The following SFRP1 variants were observed in gnomAD, a reference collection of about 807,000 sequenced individuals.
SFRP1 encodes the protein secreted frizzled-related protein 1.
SFRP1 carries 9 observed loss-of-function variants against 25.9 expected under a neutral mutation model. The observed-to-expected ratio is 0.35, with a 90% CI of 0.21 to 0.61. SFRP1 has a LOEUF of 0.61. Among genes scored for constraint, SFRP1 ranks in the 20% least tolerant of loss-of-function variants. The pLI is 0.78. For missense variants in SFRP1, 346 were observed against 418.2 expected, an observed-to-expected ratio of 0.83 and a Z score of 1.51; for synonymous variants, 178 against 174.0, an observed-to-expected ratio of 1.02 and a Z score of -0.18.
At position 41,308,878 on chromosome 8, in the gene SFRP1, G is replaced by C. The variant is rs780705476; in HGVS notation, c.282C>G (p.Ala94=). ...HETMAEVKQQ[A]SSWVPLLNKN... is the part of the protein sequence containing the mutation. ...TGTTGAGCAGGGGCACCCAGCTGCT[G>C]GCCTGCTGCTTCACCTCCGCCATGG... is the stretch of plus-strand genomic sequence containing the variant. Residue 94 remains alanine, a synonymous_variant, in exon 1 of 3, where the codon GCC becomes GCG. Transcript: ENST00000220772. 1 of 1,611,078 alleles carries C rather than the reference G, an allele frequency of 6.2e-7. No homozygotes were observed. The highest frequency in any genetic ancestry group is 1.1e-5 in the South Asian group (1 of 90,904).
At position 41,303,528 on chromosome 8, in the gene SFRP1, C is replaced by T; in HGVS notation, c.555G>A (p.Val185=). 6.2e-7 allele frequency: 1 copy of T among 1,613,716 alleles called. No individual in the cohort carries two copies. The highest frequency in any genetic ancestry group is 1.3e-5 in the African/African-American group (1 of 75,006). Residue 185 remains valine, a synonymous_variant, in exon 2 of 3, where the codon GTG becomes GTA. Transcript: ENST00000220772. The stretch of plus-strand genomic sequence containing the variant: ...TCAACTCGTTGTCACAGGGAGGACA[C>T]ACCGTTGTGCCTGGGAAAGGAAGTA... ...TEASKPQGTT[V]CPPCDNELKS... is the part of the protein sequence containing the mutation.
At chr8:41,266,380 A>T (rs1165756490) in intron 2 of SFRP1, among the ~76,000 whole-genome samples, 1 of 152,122 alleles carries the variant, frequency 6.6e-6, no homozygotes, top group East Asian at 1.9e-4. Context: ...ACTCCACATG[A>T]TCTGATGCTA....
chr8:41,276,608 C>T (rs766310230), intron 2 of SFRP1, among the ~76,000 whole-genome samples: 10 of 152,184 alleles, frequency 6.6e-5, no homozygotes, highest in African/African-American at 9.7e-5. Flanking sequence ...GATGCATTTG[C>T]TGACTACAAG....
chr8:41,285,064 G>C (rs747125445), intron 2 of SFRP1, among the ~76,000 whole-genome samples: 5 of 152,208 alleles, frequency 3.3e-5, no homozygotes, highest in Non-Finnish European at 7.3e-5. Context: ...ATGGAGTTCC[G>C]GGTGAGATTT....
chr8:41,303,052 TAAAAAA>T (rs397891660), intron 2 of SFRP1, among the ~76,000 whole-genome samples: 2 of 101,212 alleles, frequency 2.0e-5, no homozygotes, highest in Non-Finnish European at 4.0e-5. Flanking sequence ...GGGTAGATGT[TAAAAAA>T]AAAAAAAAAA....
chr8:41,303,440 C>A (rs368332287), intron 2 of SFRP1, 21 bp downstream of exon 2: 316 of 1,597,296 alleles, frequency 2.0e-4, no homozygotes, highest in Non-Finnish European at 3.1e-5. Context: ...CTTCCAGAGG[C>A]AGCTAGAAAC....
intron 2 of SFRP1, among the ~76,000 whole-genome samples, chr8:41,277,950 T>C (rs1803590605): frequency 6.6e-6 from 1 of 152,234 alleles, no homozygotes; most frequent in Admixed American, 6.5e-5. Context: ...GTGATGTTAA[T>C]GCTGCTGGCC....
intron 2 of SFRP1, among the ~76,000 whole-genome samples, chr8:41,288,309 A>T (rs1156616059): frequency 2.0e-5 from 3 of 152,048 alleles, no homozygotes; most frequent in Non-Finnish European, 4.4e-5. Flanking sequence ...GTGAGCCAAA[A>T]TCGTGCCATT....
rs148749770 is a variant in SFRP1, at chr8:41,281,697, G to A, written c.623-16208C>T. On this transcript the variant is annotated intron_variant, in intron 2 of 2. Coordinates refer to ENST00000220772, the MANE Select transcript of SFRP1 (RefSeq NM_003012.5). The stretch of plus-strand genomic sequence containing the variant: ...TCCCTCATATACTGCACACACCCTG[G>A]CTAAGCAAGATCAGTAACCTGAGGA... Among the ~76,000 whole-genome samples, 547 of 152,306 alleles carry A rather than the reference G, an allele frequency of 3.6e-3. 3 individuals carry two copies. The highest frequency in any genetic ancestry group is 0.013 in the African/African-American group (529 of 41,578).
At chr8:41,303,611 T>C (rs1803956474) in intron 1 of SFRP1, 73 bp from the exon 2 acceptor site, 1 of 1,257,312 alleles carries the variant, frequency 8.0e-7, no homozygotes, top group Non-Finnish European at 1.2e-6. Flanking sequence ...GGGGAAAAGA[T>C]CGGCCCTGGG....
chr8:41,294,370 G>C lies in SFRP1; in HGVS notation c.622+9091C>G, dbSNP rs187267175. ...AAAATTTTCAAAGAGCTCACAAAGA[G>C]AAGAGAACACATCTGAGGTAGTCCC... On this transcript the variant is annotated intron_variant, in intron 2 of 2. Transcript: ENST00000220772. 3.3e-5 allele frequency among the ~76,000 whole-genome samples: 5 copies of C among 152,284 alleles called. No individual in the cohort carries two copies. The East Asian group carries it at 9.6e-4, about 29-fold the overall frequency.
At chr8:41,292,667 G>A (rs113791997) in intron 2 of SFRP1, among the ~76,000 whole-genome samples, 67 of 152,174 alleles carry the variant, frequency 4.4e-4, no homozygotes, top group African/African-American at 1.4e-3. Flanking sequence ...CAACACTTCT[G>A]TCTACACAGC....
chr8:41,265,656 C>T (rs1270476292), intron 2 of SFRP1, among the ~76,000 whole-genome samples, 167 bp from the exon 3 acceptor site: 1 of 152,004 alleles, frequency 6.6e-6, no homozygotes, highest in East Asian at 1.9e-4. Context: ...TTCAGGGGCA[C>T]AGGTGCAGAG....
At chr8:41,275,843 C>G (rs926270471) in intron 2 of SFRP1, among the ~76,000 whole-genome samples, 1 of 152,138 alleles carries the variant, frequency 6.6e-6, no homozygotes, top group Admixed American at 6.5e-5. Flanking sequence ...ATCTTCTGGG[C>G]GCAAGTGATC....
intron 2 of SFRP1, among the ~76,000 whole-genome samples, chr8:41,269,048 G>A (rs181982662): frequency 3.3e-5 from 5 of 152,276 alleles, no homozygotes; most frequent in African/African-American, 1.2e-4. Context: ...CTGGTGGATC[G>A]ACCATCTGAG....
chr8:41,276,677 A>T (rs1401847157), intron 2 of SFRP1, among the ~76,000 whole-genome samples: 1 of 152,242 alleles, frequency 6.6e-6, no homozygotes, highest in Non-Finnish European at 1.5e-5. Flanking sequence ...TCCAAAGCAG[A>T]TTTCTTTTTC....
chr8:41,264,650 C>T lies in SFRP1; in HGVS notation c.*517G>A, dbSNP rs1803412262. ...TGCACTTATCACTTTCTGGGCTTGA[C>T]CTTAATTGTAAGTGTGGTATGAGTC... On this transcript the variant is annotated 3_prime_UTR_variant, in exon 3 of 3. Transcript: ENST00000220772. The T allele has an allele frequency of 6.4e-6, 1 of 155,602 alleles. No individual in the cohort carries two copies. Among genetic ancestry groups the T allele is most frequent in the Admixed American group, 6.3e-5 (1 of 15,922 alleles). The allele number at this position is 155,602 out of a possible 1,614,324, so 9.6% of individuals were successfully genotyped here.
At chr8:41,286,440 C>G (rs1424085008) in intron 2 of SFRP1, among the ~76,000 whole-genome samples, 1 of 151,838 alleles carries the variant, frequency 6.6e-6, no homozygotes, top group Non-Finnish European at 1.5e-5. Context: ...CCAGGAAAAT[C>G]AACACCAAGG....
intron 2 of SFRP1, among the ~76,000 whole-genome samples, chr8:41,302,924 C>A (rs563533387): frequency 6.6e-6 from 1 of 152,012 alleles, no homozygotes; most frequent in Non-Finnish European, 1.5e-5. Flanking sequence ...TTCTTTGCCT[C>A]GCGGAACCTG....
Sources: allele counts gnomAD v4.1 joint callset (sites outside exome capture counted in the v4.1 genomes callset), GRCh38; gene constraint gnomAD v4.1.1; transcripts MANE v1.5; gene names NCBI Gene and HGNC (gene_info 2026-07-23, HGNC 2026-07-21).